Variants in HOXD11 observed in about 807,000 individuals in gnomAD.
HOXD11 encodes homeobox protein Hox-D11.
In HOXD11, 16 loss-of-function variants were observed where a neutral mutation model predicts 23.1. The observed-to-expected ratio is 0.69, with a 90% CI of 0.47 to 1.05. HOXD11 has a LOEUF of 1.05. HOXD11 is among the 50% of genes least tolerant of loss of function. HOXD11 has a pLI of 0.00. For missense variants in HOXD11, 564 were observed against 495.6 expected, an observed-to-expected ratio of 1.14 and a Z score of -1.31; for synonymous variants, 262 against 224.4, an observed-to-expected ratio of 1.17 and a Z score of -1.50.
At chr2:176,109,974 T>G (rs926196306), downstream of HOXD11, among the ~76,000 whole-genome samples, 1 of 152,196 alleles carries the variant, frequency 6.6e-6, no homozygotes, top group African/African-American at 2.4e-5. Context: ...AGCAACCATT[T>G]TTAAAAACTG....
rs1689608869 is a variant in HOXD11 at position 176,107,982 on chromosome 2, C to T, written c.627C>T (p.Asp209=). ...CGCCACAGCCCGAGGGCGCAGCCGA[C>T]AAGGGCGACCCCAGGACCGGGGCTG... ...PAPPQPEGAA[D]KGDPRTGAGG... Residue 209 remains aspartate (D), a synonymous_variant, in exon 1 of 2, where the codon GAC becomes GAT. Coordinates refer to ENST00000249504, the MANE Select transcript of HOXD11 (RefSeq NM_021192.3). The T allele has an allele frequency of 6.9e-7, 1 of 1,454,240 alleles. No individual in the cohort carries two copies. 90.1% of individuals were successfully genotyped at this position (1,454,240 alleles called of 1,614,324 possible). A position where few individuals can be genotyped will look rare whatever the true frequency, so the allele number is the denominator to read the frequency against.
intron 1 of HOXD11, among the ~76,000 whole-genome samples, chr2:176,108,458 C>A (rs1376696625): frequency 1.3e-5 from 2 of 151,162 alleles, no homozygotes. Context: ...ACACCGGAGC[C>A]TCCTGCTTTT....
At chr2:176,110,166 G>A (rs966378404), downstream of HOXD11, among the ~76,000 whole-genome samples, 11 of 152,112 alleles carry the variant, frequency 7.2e-5, no homozygotes, top group African/African-American at 1.7e-4. Context: ...AACCCTCCCC[G>A]CCCCCACTGA....
At position 176,108,977 on chromosome 2, in the gene HOXD11, G is replaced by A; in HGVS notation, c.852G>A (p.Glu284=). Residue 284 remains glutamate, a synonymous_variant, in exon 2 of 2, where the codon GAG becomes GAA. Transcript: ENST00000249504. ...ACCAGATCCGCGAACTGGAACGCGA[G>A]TTTTTCTTTAACGTGTACATAAACA... is the stretch of plus-strand genomic sequence containing the variant. ...TKYQIRELER[E]FFFNVYINKE... is the part of the protein sequence containing the mutation. 1.2e-6 allele frequency: 2 copies of A among 1,614,130 alleles called. No individual in the cohort carries two copies. The highest frequency in any genetic ancestry group is 1.7e-6 in the Non-Finnish European group (2 of 1,180,012).
chr2:176,108,095 GC>G lies in HOXD11; in HGVS notation c.746del (p.Pro249ArgfsTer43). On this transcript the variant is annotated frameshift_variant, in exon 1 of 2. Coordinates refer to ENST00000249504, the MANE Select transcript of HOXD11 (RefSeq NM_021192.3). LOFTEE classifies it high-confidence loss of function. ...GAAGGCAGCGGTGGCGACGGCGAGGGCCCCCCGGGAGAGGCGGGGGCCGAGA... is the reference window on the plus strand; with the variant it reads ...GAAGGCAGCGGTGGCGACGGCGAGGGCCCCCGGGAGAGGCGGGGGCCGAGA... ...AAEGSGGDGE[G>X]PPGEAGAEKS... 1.6e-5 allele frequency: 24 copies of G among 1,463,888 alleles called. No individual in the cohort carries two copies. Among genetic ancestry groups the G allele is most frequent in the Admixed American group, 4.8e-5 (2 of 41,952 alleles). The allele number at this position is 1,463,888 out of a possible 1,614,324, so 90.7% of individuals were successfully genotyped here.
Position 176,109,541 on chromosome 2 carries a change from G to A in HOXD11, c.*399G>A, listed in dbSNP as rs1559114623. On this transcript the variant is annotated 3_prime_UTR_variant, in exon 2 of 2. Transcript: ENST00000249504. Reference sequence around the variant, plus strand: ...ATCCCTTCCTTCCTCTTCGGTGAATGCAGGTTATTTAAACTTTGGGAAATG... The same window carrying A: ...ATCCCTTCCTTCCTCTTCGGTGAATACAGGTTATTTAAACTTTGGGAAATG... 2 of 258,360 alleles carry A rather than the reference G, an allele frequency of 7.7e-6. No homozygotes were observed. 16.0% of individuals were successfully genotyped at this position (258,360 alleles called of 1,614,324 possible). A position where few individuals can be genotyped will look rare whatever the true frequency, so the allele number is the denominator to read the frequency against.
chr2:176,114,961 A>G, the HOXD11 span, among the ~76,000 whole-genome samples: 2 of 152,224 alleles, frequency 1.3e-5, no homozygotes, highest in African/African-American at 4.8e-5. Flanking sequence ...AGGCCGAAGG[A>G]CGGCTCCAAG....
At position 176,107,676 on chromosome 2, in the gene HOXD11, CGCGGCGGCGGCGGCGGCGGCT is replaced by C. The variant is rs1689601268; in HGVS notation, c.330_350del (p.Ala114_Ala120del). The stretch of plus-strand genomic sequence containing the variant: ...GCGCGGGGGGCTACGCTCCCTACTA[CGCGGCGGCGGCGGCGGCGGCT>C]GCGGCGGCCGCGGCGGCCGAGGAGG... On this transcript the variant is annotated inframe_deletion, in exon 1 of 2. Transcript: ENST00000249504. 8.1e-6 allele frequency: 8 copies of C among 988,006 alleles called. No individual in the cohort carries two copies. Among genetic ancestry groups the C allele is most frequent in the African/African-American group, 1.8e-5 (1 of 56,540 alleles). The allele number at this position is 988,006 out of a possible 1,614,324, so 61.2% of individuals were successfully genotyped here.
Position 176,107,444 on chromosome 2 carries a change from G to A in HOXD11, c.89G>A (p.Ser30Asn), listed in dbSNP as rs1484702142. ...AYYVAPSDFA[S>N]KPSFLSQPSS... Reference sequence around the variant, plus strand: ...TATGTGGCCCCGTCTGACTTCGCTAGCAAGCCTTCGTTCCTTTCCCAACCG... The same window carrying A: ...TATGTGGCCCCGTCTGACTTCGCTAACAAGCCTTCGTTCCTTTCCCAACCG... The change falls in exon 1 of 2, where the codon AGC becomes AAC. Residue 30 changes from serine (S) to asparagine (N), a missense_variant. Coordinates refer to ENST00000249504, the MANE Select transcript of HOXD11 (RefSeq NM_021192.3). The A allele has an allele frequency of 1.2e-6, 2 of 1,613,848 alleles. No individual in the cohort carries two copies. Among genetic ancestry groups the A allele is most frequent in the African/African-American group, 1.3e-5 (1 of 74,928 alleles).
rs569774254 is a variant in HOXD11 at position 176,109,431 on chromosome 2, G to C, written c.*289G>C. ...TCCCCCTCCCCCTCTCCGAGTCCTC[G>C]TGGGGACACGGCGGGGTCTGTAGGA... On this transcript the variant is annotated 3_prime_UTR_variant, in exon 2 of 2. Coordinates refer to ENST00000249504, the MANE Select transcript of HOXD11 (RefSeq NM_021192.3). 6 of 375,810 alleles carry C rather than the reference G, an allele frequency of 1.6e-5. No homozygotes were observed. The highest frequency in any genetic ancestry group is 4.3e-5 in the East Asian group (1 of 23,072). 23.3% of individuals were successfully genotyped at this position (375,810 alleles called of 1,614,324 possible).
chr2:176,108,916 A>G lies in HOXD11; in HGVS notation c.791A>G (p.Gln264Arg), dbSNP rs200498866. The G allele has an allele frequency of 2.5e-4, 402 of 1,613,392 alleles. No individual in the cohort carries two copies. Among genetic ancestry groups the G allele is most frequent in the Admixed American group, 1.7e-3 (100 of 59,994 alleles). Residue 264 changes from glutamine (Q) to arginine (R), a missense_variant, in exon 2 of 2, where the codon CAG (glutamine) becomes CGG (arginine). Transcript: ENST00000249504. ...TCTCTTTGCCTTGCAGTTGCCCCCC[A>G]GCGGTCCCGGAAAAAGCGCTGTCCC... ...AEKSSSAVAP[Q>R]RSRKKRCPYT...
chr2:176,111,727 C>A (rs1315231277), downstream of HOXD11, among the ~76,000 whole-genome samples: 1 of 146,714 alleles, frequency 6.8e-6, no homozygotes, highest in East Asian at 2.0e-4. Flanking sequence ...ATAGCCACTG[C>A]TGGTTAATTA....
chr2:176,115,268 T>C, the HOXD11 span, among the ~76,000 whole-genome samples: 1 of 152,258 alleles, frequency 6.6e-6, no homozygotes, highest in East Asian at 1.9e-4. Flanking sequence ...CCCACCTCCT[T>C]CCCCTCCCTT....
chr2:176,111,340 A>G (rs906790174), downstream of HOXD11: 4 of 151,374 alleles, frequency 2.6e-5, no homozygotes, highest in East Asian at 5.8e-4. Context: ...TGTGCCCACC[A>G]CCCAAGGCAA....
chr2:176,109,346 T>TA lies in HOXD11; in HGVS notation c.*206dup, dbSNP rs1382663133. Reference sequence around the variant, plus strand: ...CGGGACTTGGCCGAGCGGATCCTAATAAGGGGAAAATGGTAAATGCAAACG... The same window carrying TA: ...CGGGACTTGGCCGAGCGGATCCTAATAAAGGGGAAAATGGTAAATGCAAACG... On this transcript the variant is annotated 3_prime_UTR_variant, in exon 2 of 2. Transcript: ENST00000249504. 5 of 556,912 alleles carry TA rather than the reference T, an allele frequency of 9.0e-6. No individual in the cohort carries two copies. In the East Asian group the frequency reaches 1.5e-4, roughly 16 times the overall value. 34.5% of individuals were successfully genotyped at this position (556,912 alleles called of 1,614,324 possible). A position where few individuals can be genotyped will look rare whatever the true frequency, so the allele number is the denominator to read the frequency against.
At chr2:176,113,654 T>C (rs1689706364), downstream of HOXD11, among the ~76,000 whole-genome samples, 1 of 152,228 alleles carries the variant, frequency 6.6e-6, no homozygotes, top group Non-Finnish European at 1.5e-5. Context: ...GTATTATTTC[T>C]ATCTTGCTCA....
At chr2:176,108,188 G>GT (rs1689615063) in intron 1 of HOXD11, 52 bp downstream of exon 1, 1 of 813,262 alleles carries the variant, frequency 1.2e-6, no homozygotes, top group Non-Finnish European at 1.7e-6. Context: ...CGGGGGAGGG[G>GT]GGGGGGGCGG....
rs535125846 is a variant in HOXD11 at position 176,107,406 on chromosome 2, G to C, written c.51G>C (p.Pro17=). The change falls in exon 1 of 2, where the codon CCG becomes CCC. Residue 17 remains proline (P), a synonymous_variant. Transcript: ENST00000249504. ...CGQSAASMYL[P]GCAYYVAPSD... ...AGAGCGCAGCCAGCATGTACCTGCC[G>C]GGCTGCGCCTACTATGTGGCCCCGT... 1 of 1,613,596 alleles carries C rather than the reference G, an allele frequency of 6.2e-7. No homozygotes were observed. The highest frequency in any genetic ancestry group is 1.1e-5 in the South Asian group (1 of 90,996).
At chr2:176,108,884 C>T (rs1173713301) in intron 1 of HOXD11, 23 bp from the exon 2 acceptor site, 4 of 1,567,896 alleles carry the variant, frequency 2.6e-6, no homozygotes, top group Non-Finnish European at 3.5e-6. Context: ...CCTCTCTCAC[C>T]CCCTGGTCTC....
Sources: gnomAD v4.1 joint callset for allele counts (sites outside exome capture counted in the v4.1 genomes callset) on GRCh38, gnomAD v4.1.1 for gene constraint, MANE v1.5 for transcripts, NCBI Gene and HGNC (gene_info 2026-07-23, HGNC 2026-07-21) for gene names.